The following LPP variants were observed in gnomAD, a reference collection of about 807,000 sequenced individuals.
The protein encoded by LPP is lipoma-preferred partner.
Under a neutral mutation model 60.4 loss-of-function variants are expected in LPP, and 38 were observed. That is an observed-to-expected ratio of 0.63 (90% CI 0.49 to 0.83). LPP has a LOEUF of 0.83. Ranked by LOEUF, LPP falls within the 40% of genes least tolerant of loss-of-function variation. The pLI, the probability that LPP is intolerant of heterozygous loss-of-function variation, is 0.00. For synonymous variants in LPP, 328 were observed against 290.8 expected (o/e 1.13, Z -1.30); for missense variants, 902 against 783.6 (o/e 1.15, Z -1.80).
chr3:188,186,102 C>A (rs775389788), intron 1 of LPP, among the ~76,000 whole-genome samples: 7 of 152,098 alleles, frequency 4.6e-5, no homozygotes, highest in Non-Finnish European at 8.8e-5. Flanking sequence ...CCACCTCAGG[C>A]CTAAATCTGC....
intron 3 of LPP, among the ~76,000 whole-genome samples, chr3:188,363,001 A>G (rs1377050778): frequency 6.6e-6 from 1 of 151,308 alleles, no homozygotes; most frequent in Non-Finnish European, 1.5e-5. Context: ...TGTTTTTTAA[A>G]TTATTATTAC....
intron 7 of LPP, among the ~76,000 whole-genome samples, chr3:188,643,637 G>C (rs1234009591): frequency 6.6e-6 from 1 of 152,046 alleles, no homozygotes; most frequent in Non-Finnish European, 1.5e-5. Context: ...GATGTCTCCT[G>C]TCCTGTGCAG....
chr3:188,568,574 C>T (rs1832763194), intron 6 of LPP: 1 of 151,880 alleles, frequency 6.6e-6, no homozygotes, highest in Non-Finnish European at 1.5e-5. Flanking sequence ...TACTCAGGGT[C>T]AGCAGAGGGT....
chr3:188,521,521 T>C (rs1318552482), intron 5 of LPP, among the ~76,000 whole-genome samples: 4 of 152,110 alleles, frequency 2.6e-5, no homozygotes, highest in Non-Finnish European at 5.9e-5. Context: ...TTAAATCCTG[T>C]CTCTTTACTA....
chr3:188,701,409 G>A (rs544605556), intron 7 of LPP, among the ~76,000 whole-genome samples: 1 of 152,286 alleles, frequency 6.6e-6, no homozygotes, highest in African/African-American at 2.4e-5. Context: ...TTTAAGAAGG[G>A]AAAATACAGA....
chr3:188,304,726 A>G (rs114438628), intron 2 of LPP, among the ~76,000 whole-genome samples: 1,654 of 152,200 alleles, frequency 0.011, 14 homozygotes, highest in Non-Finnish European at 0.017. Context: ...TTCTTTTCCC[A>G]TGTGTTTTGA....
intron 2 of LPP, among the ~76,000 whole-genome samples, chr3:188,327,264 C>G (rs896643081): frequency 6.6e-6 from 1 of 152,114 alleles, no homozygotes; most frequent in African/African-American, 2.4e-5. Flanking sequence ...GTTTATGAGC[C>G]TCTAATAATA....
At chr3:188,399,377 T>G (rs1433766321) in intron 3 of LPP, among the ~76,000 whole-genome samples, 1 of 151,348 alleles carries the variant, frequency 6.6e-6, no homozygotes, top group African/African-American at 2.4e-5. Flanking sequence ...AAAAAAAACC[T>G]TCAAAGTTAT....
chr3:188,167,029 A>C (rs1222476143), intron 1 of LPP, among the ~76,000 whole-genome samples: 1 of 152,126 alleles, frequency 6.6e-6, no homozygotes, highest in East Asian at 1.9e-4. Flanking sequence ...TGGTTTGGAG[A>C]GTTAGAAGGT....
At chr3:188,376,635 C>T (rs1445710900) in intron 3 of LPP, among the ~76,000 whole-genome samples, 1 of 152,174 alleles carries the variant, frequency 6.6e-6, no homozygotes, top group Non-Finnish European at 1.5e-5. Context: ...ATACAGCACA[C>T]TGATGGGTCT....
chr3:188,697,091 G>A (rs898954070), intron 7 of LPP, among the ~76,000 whole-genome samples: 3 of 152,130 alleles, frequency 2.0e-5, no homozygotes, highest in Non-Finnish European at 2.9e-5. Flanking sequence ...TTTTCACTTA[G>A]GCACTTTGTC....
At chr3:188,554,245 G>T (rs1828930010) in intron 6 of LPP, 1 of 152,012 alleles carries the variant, frequency 6.6e-6, no homozygotes, top group Non-Finnish European at 1.5e-5. Flanking sequence ...CCACTGTGGT[G>T]CATGGAGAGG....
intron 6 of LPP, among the ~76,000 whole-genome samples, chr3:188,576,085 C>T (rs1383066833): frequency 1.3e-5 from 2 of 152,082 alleles, no homozygotes; most frequent in Admixed American, 6.6e-5. Context: ...GGCTAATGTT[C>T]TCTATTTTAG....
chr3:188,393,603 C>T (rs1376926473), intron 3 of LPP, among the ~76,000 whole-genome samples: 3 of 152,162 alleles, frequency 2.0e-5, no homozygotes, highest in African/African-American at 7.2e-5. Context: ...TACACCAGAA[C>T]AGCAGGTATA....
chr3:188,162,575 G>T (rs373944312), intron 1 of LPP, among the ~76,000 whole-genome samples: 2 of 152,312 alleles, frequency 1.3e-5, no homozygotes, highest in African/African-American at 4.8e-5. Context: ...GGCAATAGTG[G>T]TGATTTTTGG....
intron 1 of LPP, among the ~76,000 whole-genome samples, chr3:188,167,214 T>G (rs993270990): frequency 6.6e-6 from 1 of 152,176 alleles, no homozygotes; most frequent in Non-Finnish European, 1.5e-5. Flanking sequence ...GCCTGCCATG[T>G]TGGCCGGGCA....
At chr3:188,311,190 C>G (rs1211859112) in intron 2 of LPP, among the ~76,000 whole-genome samples, 1 of 148,736 alleles carries the variant, frequency 6.7e-6, no homozygotes, top group African/African-American at 2.4e-5. Flanking sequence ...TTTATATGCT[C>G]TCTCTCTCTC....
At chr3:188,736,883 C>T (rs1376817380) in intron 8 of LPP, among the ~76,000 whole-genome samples, 1 of 151,880 alleles carries the variant, frequency 6.6e-6, no homozygotes, top group Admixed American at 6.6e-5. Flanking sequence ...ATCTGCTGAA[C>T]AAAATATTAT....
intron 4 of LPP, among the ~76,000 whole-genome samples, chr3:188,437,249 G>A (rs572787607): frequency 6.6e-6 from 1 of 152,262 alleles, no homozygotes; most frequent in East Asian, 1.9e-4. Context: ...GATCTAGGAG[G>A]ATACTAGAGC....
Sources: gnomAD v4.1 joint callset for allele counts (sites outside exome capture counted in the v4.1 genomes callset) on GRCh38, gnomAD v4.1.1 for gene constraint, MANE v1.5 for transcripts, NCBI Gene and HGNC (gene_info 2026-07-23, HGNC 2026-07-21) for gene names.